Variants in GRM5 observed in about 807,000 individuals in gnomAD.
The protein encoded by GRM5 is metabotropic glutamate receptor 5.
GRM5 carries 19 observed loss-of-function variants against 83.1 expected under a neutral mutation model. The observed-to-expected ratio is 0.23, with a 90% confidence interval of 0.16 to 0.34. The LOEUF is 0.34. Ranked by LOEUF, GRM5 falls within the 10% of genes least tolerant of loss-of-function variation. The probability of loss-of-function intolerance (pLI) is 1.00; values close to 1 mark genes in which losing one functional copy is unlikely to be tolerated. For synonymous variants in GRM5, 675 were observed against 633.6 expected (o/e 1.07, Z -0.98); for missense variants, 1,160 against 1,588.3 (o/e 0.73, Z 4.58).
At chr11:88,760,434 T>C (rs1942488492) in intron 3 of GRM5, among the ~76,000 whole-genome samples, 1 of 152,136 alleles carries the variant, frequency 6.6e-6, no homozygotes, top group Admixed American at 6.6e-5. Context: ...TGAATGCCTC[T>C]ATGCACACAA....
rs191818439 is a variant in GRM5 at position 88,622,399 on chromosome 11, T to C, written c.1148-17435A>G. Among the ~76,000 whole-genome samples, 4 of 152,374 alleles carry C rather than the reference T, an allele frequency of 2.6e-5. No homozygotes were observed. The East Asian group carries it at 7.7e-4, about 29-fold the overall frequency. Reference sequence around the variant, plus strand: ...TCTTTCAACTATGCTATCTGCAGTATACCTAAAACGAACATTTTCTAAATT... The same window carrying C: ...TCTTTCAACTATGCTATCTGCAGTACACCTAAAACGAACATTTTCTAAATT... On this transcript the variant is annotated intron_variant, in intron 4 of 9. Coordinates refer to ENST00000305447, the MANE Select transcript of GRM5 (RefSeq NM_001143831.3).
intron 4 of GRM5, among the ~76,000 whole-genome samples, chr11:88,650,146 GGAATAATAA>G: frequency 6.6e-6 from 1 of 151,564 alleles, no homozygotes. Context: ...TAAGAGAAAA[GGAATAATAA>G]AAATTATTGA....
intron 2 of GRM5, among the ~76,000 whole-genome samples, chr11:89,038,439 G>C (rs1279685022): frequency 6.6e-6 from 1 of 152,038 alleles, no homozygotes; most frequent in African/African-American, 2.4e-5. Flanking sequence ...AAAAAATTCT[G>C]TACCATATTG....
intron 8 of GRM5, among the ~76,000 whole-genome samples, chr11:88,559,744 C>G (rs981282388): frequency 5.3e-5 from 8 of 152,120 alleles, no homozygotes; most frequent in Non-Finnish European, 1.2e-4. Context: ...GCAAATGATA[C>G]AGAAAATGAG....
At chr11:88,559,819 T>A (rs1393562711) in intron 8 of GRM5, among the ~76,000 whole-genome samples, 2 of 152,164 alleles carry the variant, frequency 1.3e-5, no homozygotes, top group African/African-American at 4.8e-5. Context: ...GAGATGATGG[T>A]GCAAAAGAGT....
chr11:88,905,463 T>A (rs1023184503), intron 2 of GRM5, among the ~76,000 whole-genome samples: 27 of 152,132 alleles, frequency 1.8e-4, no homozygotes, highest in African/African-American at 5.8e-4. Context: ...CGTGTCAGCC[T>A]CCCGAGTAGC....
chr11:88,711,950 C>G (rs1487278942), intron 3 of GRM5, among the ~76,000 whole-genome samples: 1 of 150,964 alleles, frequency 6.6e-6, no homozygotes, highest in South Asian at 2.1e-4. Flanking sequence ...ACTGTGAATT[C>G]CTTTAAGGCA....
At chr11:88,936,856 T>A (rs1010466052) in intron 2 of GRM5, among the ~76,000 whole-genome samples, 7 of 151,702 alleles carry the variant, frequency 4.6e-5, no homozygotes, top group South Asian at 2.1e-4. Flanking sequence ...CAGCCCAACA[T>A]TGAGAAAGGA....
chr11:88,721,233 T>C (rs560228286), intron 3 of GRM5, among the ~76,000 whole-genome samples: 25 of 152,244 alleles, frequency 1.6e-4, no homozygotes, highest in African/African-American at 5.8e-4. Flanking sequence ...ATTTTCATCA[T>C]GAAAAGAGCA....
chr11:88,757,256 C>T (rs1424076426), intron 3 of GRM5, among the ~76,000 whole-genome samples: 2 of 152,182 alleles, frequency 1.3e-5, no homozygotes, highest in Admixed American at 1.3e-4. Flanking sequence ...CTGCAGCCAC[C>T]CTCCACATCA....
intron 1 of GRM5, among the ~76,000 whole-genome samples, chr11:89,057,687 T>C (rs1941906881): frequency 6.6e-6 from 1 of 152,174 alleles, no homozygotes; most frequent in African/African-American, 2.4e-5. Context: ...CTTTTACACA[T>C]CCTGTAGCCT....
chr11:89,061,892 T>G (rs1267862149), intron 1 of GRM5, among the ~76,000 whole-genome samples: 1 of 152,214 alleles, frequency 6.6e-6, no homozygotes, highest in East Asian at 1.9e-4. Context: ...GGGGTGCAAT[T>G]AAAATATCTA....
At chr11:88,729,697 A>G (rs954657413) in intron 3 of GRM5, among the ~76,000 whole-genome samples, 2 of 152,182 alleles carry the variant, frequency 1.3e-5, no homozygotes, top group African/African-American at 4.8e-5. Context: ...AATGGAACAG[A>G]ACAGAGGCCT....
Position 89,047,797 on chromosome 11 carries a change from T to G in GRM5, c.76A>C (p.Arg26=), listed in dbSNP as rs767711160. 223 of 1,613,484 alleles carry G rather than the reference T, an allele frequency of 1.4e-4. 1 individual carries two copies. The East Asian group carries it at 4.9e-3, about 36-fold the overall frequency. ...TCACCCGGCATGTGAGCCACCACCC[T>G]CCTCTCACTGGACTGTGCACTCCCA... ...VRGSAQSSER[R]VVAHMPGDII... The change falls in exon 2 of 10, where the codon AGG becomes CGG. Residue 26 remains arginine, a synonymous_variant. Coordinates refer to ENST00000305447, the MANE Select transcript of GRM5 (RefSeq NM_001143831.3). This position sits in a 1 kb window ranked among gnomAD's most constrained non-coding sequence, Gnocchi z 5.1.
intron 2 of GRM5, among the ~76,000 whole-genome samples, chr11:88,959,458 C>T (rs1017754306): frequency 2.6e-5 from 4 of 151,448 alleles, no homozygotes; most frequent in Admixed American, 2.6e-4. Flanking sequence ...ATTTTATATA[C>T]ATTAATATAC....
At chr11:88,983,455 G>A (rs921070729) in intron 2 of GRM5, among the ~76,000 whole-genome samples, 21 of 152,230 alleles carry the variant, frequency 1.4e-4, no homozygotes, top group African/African-American at 4.8e-4. Flanking sequence ...CGAAACATTC[G>A]TATTGCCTAG....
chr11:88,999,271 C>G (rs186667201), intron 2 of GRM5, among the ~76,000 whole-genome samples: 100 of 152,250 alleles, frequency 6.6e-4, no homozygotes, highest in Middle Eastern at 3.4e-3. Flanking sequence ...TTCTGCACAG[C>G]AAAAGAAACT....
intron 8 of GRM5, among the ~76,000 whole-genome samples, chr11:88,564,775 C>T (rs1451314577): frequency 6.6e-6 from 1 of 152,172 alleles, no homozygotes; most frequent in Non-Finnish European, 1.5e-5. Flanking sequence ...AGGCCTCCAT[C>T]CCTAAGGAGC....
chr11:88,641,929 C>T (rs1037448517), intron 4 of GRM5, among the ~76,000 whole-genome samples: 1 of 152,070 alleles, frequency 6.6e-6, no homozygotes, highest in African/African-American at 2.4e-5. Context: ...TGATGGTGGC[C>T]CCCTTCTCAC....
Sources: allele counts gnomAD v4.1 joint callset (sites outside exome capture counted in the v4.1 genomes callset), GRCh38; gene constraint gnomAD v4.1.1; non-coding constraint Gnocchi (gnomAD v3.1); transcripts MANE v1.5; gene names NCBI Gene and HGNC (gene_info 2026-07-23, HGNC 2026-07-21).